The following IL1RAPL2 variants were observed in gnomAD, a reference collection of about 807,000 sequenced individuals.
IL1RAPL2 encodes interleukin 1 receptor accessory protein like 2.
IL1RAPL2 carries 3 observed loss-of-function variants against 44.1 expected under a neutral mutation model. The observed-to-expected ratio is 0.07, with a 90% confidence interval of 0.03 to 0.18. IL1RAPL2 has a LOEUF of 0.18. Ranked by LOEUF, IL1RAPL2 falls within the 10% of genes least tolerant of loss-of-function variation. The pLI, the probability that IL1RAPL2 is intolerant of heterozygous loss-of-function variation, is 1.00. For missense variants in IL1RAPL2, 391 were observed against 496.4 expected (o/e 0.79, Z 2.02); for synonymous variants, 181 against 178.8 (o/e 1.01, Z -0.10).
At chrX:105,033,732 G>T (rs1368094735) in intron 2 of IL1RAPL2, among the ~76,000 whole-genome samples, 1 of 111,065 alleles carries the variant, frequency 9.0e-6, no homozygotes, top group East Asian at 2.8e-4. Context: ...GAGTATGTTT[G>T]TGGCGTTCTC....
chrX:105,273,217 C>A (rs1202827582), intron 5 of IL1RAPL2, among the ~76,000 whole-genome samples: 1 of 111,308 alleles, frequency 9.0e-6, no homozygotes, highest in Non-Finnish European at 1.9e-5. Flanking sequence ...TTAGTCCTCA[C>A]AACCAACATA....
chrX:104,808,086 A>G (rs1932935931), intron 2 of IL1RAPL2, among the ~76,000 whole-genome samples: 1 of 112,038 alleles, frequency 8.9e-6, no homozygotes, highest in Non-Finnish European at 1.9e-5. Context: ...TCAGAGTTGA[A>G]AGGAACCTTT....
chrX:104,944,821 T>G (rs1056632197), intron 2 of IL1RAPL2, among the ~76,000 whole-genome samples: 1 of 111,566 alleles, frequency 9.0e-6, no homozygotes, highest in African/African-American at 3.3e-5. Context: ...GAGGAGACAT[T>G]AATGTGTGCT....
intron 1 of IL1RAPL2, among the ~76,000 whole-genome samples, chrX:104,587,362 G>A (rs1928581023): frequency 8.9e-6 from 1 of 111,879 alleles, no homozygotes; most frequent in Admixed American, 9.5e-5. Flanking sequence ...TAGTAGTCCT[G>A]GAACTGTGGC....
rs944277784 is a variant in IL1RAPL2, at chrX:104,632,404, T to C, written c.-19-26491T>C. On this transcript the variant is annotated intron_variant, in intron 1 of 10. Transcript: ENST00000372582. Reference sequence around the variant, plus strand: ...AAAGTCATTGGTAGCTTGATGGGGATGGCATTGAATCTATAAATTACCTTG... The same window carrying C: ...AAAGTCATTGGTAGCTTGATGGGGACGGCATTGAATCTATAAATTACCTTG... 2.2e-4 allele frequency among the ~76,000 whole-genome samples: 25 copies of C among 111,839 alleles called. No homozygotes were observed. In the Admixed American group the frequency reaches 2.3e-3, roughly 10 times the overall value.
chrX:105,493,570 G>A (rs2036336045), intron 6 of IL1RAPL2, among the ~76,000 whole-genome samples: 1 of 111,393 alleles, frequency 9.0e-6, no homozygotes, highest in Non-Finnish European at 1.9e-5. Flanking sequence ...TATGTCTTTG[G>A]AAAAATGTCT....
intron 5 of IL1RAPL2, chrX:105,406,939 C>T: frequency 2.7e-6 from 3 of 1,111,014 alleles, no homozygotes; most frequent in Non-Finnish European, 3.7e-6. Context: ...GAATTGTGAT[C>T]TATCTGGGTG....
At chrX:104,654,300 CAAAG>C (rs946042036) in intron 1 of IL1RAPL2, among the ~76,000 whole-genome samples, 82 of 111,374 alleles carry the variant, frequency 7.4e-4, no homozygotes, top group African/African-American at 2.6e-3. Flanking sequence ...ATAAAACAAA[CAAAG>C]AGGTGAGCTA....
intron 6 of IL1RAPL2, among the ~76,000 whole-genome samples, chrX:105,626,551 A>T (rs1300493157): frequency 9.0e-6 from 1 of 111,118 alleles, no homozygotes; most frequent in East Asian, 2.9e-4. Context: ...TGTATGGAAG[A>T]TTTTAAATAT....
intron 4 of IL1RAPL2, among the ~76,000 whole-genome samples, chrX:105,253,992 A>G (rs930119286): frequency 4.5e-5 from 5 of 111,777 alleles, no homozygotes; most frequent in African/African-American, 1.6e-4. Context: ...GCTATTGTGA[A>G]TAGTGCTGCA....
chrX:105,544,810 G>A (rs919204754), intron 6 of IL1RAPL2, among the ~76,000 whole-genome samples: 2 of 109,549 alleles, frequency 1.8e-5, no homozygotes, highest in African/African-American at 6.6e-5. Flanking sequence ...TCCCTTCACT[G>A]CATTCTTTTC....
intron 5 of IL1RAPL2, among the ~76,000 whole-genome samples, chrX:105,365,750 T>C (rs2035289123): frequency 9.0e-6 from 1 of 111,052 alleles, no homozygotes; most frequent in Admixed American, 9.7e-5. Flanking sequence ...ATGTCTCCTC[T>C]TTTATTTAGG....
At chrX:105,063,907 T>C (rs1397932293) in intron 2 of IL1RAPL2, among the ~76,000 whole-genome samples, 1 of 111,906 alleles carries the variant, frequency 8.9e-6, no homozygotes, top group Non-Finnish European at 1.9e-5. Flanking sequence ...AGAGACTCCT[T>C]CTCTGTGCTG....
At chrX:105,624,842 G>A (rs894833588) in intron 6 of IL1RAPL2, among the ~76,000 whole-genome samples, 5 of 111,991 alleles carry the variant, frequency 4.5e-5, no homozygotes. Flanking sequence ...CATTTGAAAT[G>A]TGAAACTAAT....
At chrX:104,837,836 T>C (rs998980125) in intron 2 of IL1RAPL2, among the ~76,000 whole-genome samples, 11 of 112,226 alleles carry the variant, frequency 9.8e-5, no homozygotes, top group African/African-American at 3.6e-4. Flanking sequence ...GCCTAGGTTT[T>C]CTTCTAGGGT....
chrX:105,700,247 T>C (rs1188672712), intron 6 of IL1RAPL2, among the ~76,000 whole-genome samples: 1 of 111,545 alleles, frequency 9.0e-6, no homozygotes, highest in African/African-American at 3.3e-5. Context: ...GAAATCAATT[T>C]CCTATATAAA....
intron 1 of IL1RAPL2, among the ~76,000 whole-genome samples, chrX:104,638,016 T>A (rs1320895501): frequency 9.0e-6 from 1 of 111,459 alleles, no homozygotes; most frequent in East Asian, 2.8e-4. Context: ...TTTGGGAGAC[T>A]TTTTATTACT....
chrX:105,073,551 T>C (rs918309885), intron 2 of IL1RAPL2, among the ~76,000 whole-genome samples: 1 of 111,113 alleles, frequency 9.0e-6, no homozygotes, highest in Admixed American at 9.6e-5. Context: ...ATCCTTTGGG[T>C]ATATACCCTG....
rs768878493 is a variant in IL1RAPL2 at position 104,763,688 on chromosome X, C to T, written c.82+104693C>T. Among the ~76,000 whole-genome samples, 7 of 111,445 alleles carry T rather than the reference C, an allele frequency of 6.3e-5. No individual in the cohort carries two copies. The East Asian group carries it at 2.0e-3, about 32-fold the overall frequency. On this transcript the variant is annotated intron_variant, in intron 2 of 10. Transcript: ENST00000372582. ...ACATGGCAGCAGGAAGGAGAAGTGC[C>T]AAGCAAAGAGGGAAAAGCCACTTAT... is the stretch of plus-strand genomic sequence containing the variant.
Sources: allele counts gnomAD v4.1 joint callset (sites outside exome capture counted in the v4.1 genomes callset), GRCh38; gene constraint gnomAD v4.1.1; transcripts MANE v1.5; gene names NCBI Gene and HGNC (gene_info 2026-07-23, HGNC 2026-07-21).